Variants in INVS observed in about 807,000 individuals in gnomAD.
INVS encodes inversin.
Under a neutral mutation model 108.8 loss-of-function variants are expected in INVS, and 86 were observed. The ratio of observed to expected loss-of-function variants is 0.79; its 90% CI spans 0.66 to 0.95. The LOEUF (loss-of-function observed/expected upper bound fraction) is 0.95. Among genes scored for constraint, INVS ranks in the 40% least tolerant of loss-of-function variants. The pLI is 0.00. For synonymous variants in INVS, 455 were observed against 473.5 expected (o/e 0.96, Z 0.51); for missense variants, 1,169 against 1,297.4 (o/e 0.90, Z 1.52).
chr9:100,138,983 G>C (rs1330186725), intron 3 of INVS, among the ~76,000 whole-genome samples: 2 of 152,156 alleles, frequency 1.3e-5, no homozygotes, highest in East Asian at 3.8e-4. Flanking sequence ...TGGGATTACA[G>C]GCGTGAGCCA....
At chr9:100,152,962 A>G (rs1158669933) in intron 3 of INVS, among the ~76,000 whole-genome samples, 3 of 152,008 alleles carry the variant, frequency 2.0e-5, no homozygotes, top group Non-Finnish European at 4.4e-5. Context: ...AACTTCATGT[A>G]TGTAACTTTG....
At chr9:100,140,768 T>C (rs1229529416) in intron 3 of INVS, among the ~76,000 whole-genome samples, 1 of 151,808 alleles carries the variant, frequency 6.6e-6, no homozygotes, top group Non-Finnish European at 1.5e-5. Flanking sequence ...TGAAGGAAGA[T>C]TTTGTGGTAA....
intron 12 of INVS, among the ~76,000 whole-genome samples, chr9:100,273,628 C>T (rs1199501432): frequency 6.7e-6 from 1 of 148,766 alleles, no homozygotes; most frequent in African/African-American, 2.5e-5. Flanking sequence ...ACCTCCACCT[C>T]CCAGGTTCAA....
intron 13 of INVS, 48 bp downstream of exon 13, chr9:100,284,651 CTTTT>C: frequency 6.3e-7 from 1 of 1,588,948 alleles, no homozygotes; most frequent in Non-Finnish European, 8.6e-7. Context: ...GGACTGTGGG[CTTTT>C]TTGATTGGTG....
chr9:100,273,654 T>C (rs1833028824), intron 12 of INVS, among the ~76,000 whole-genome samples: 1 of 150,328 alleles, frequency 6.7e-6, no homozygotes, highest in Admixed American at 6.7e-5. Context: ...TCTCCTGCCT[T>C]GGCCTCCCGA....
At chr9:100,291,119 A>G (rs1256440969) in intron 13 of INVS, among the ~76,000 whole-genome samples, 1 of 151,850 alleles carries the variant, frequency 6.6e-6, no homozygotes, top group African/African-American at 2.4e-5. Flanking sequence ...GCTGGAGTGC[A>G]GTGGTGCAGT....
chr9:100,278,729 T>C (rs549365359), intron 12 of INVS, among the ~76,000 whole-genome samples: 5 of 152,368 alleles, frequency 3.3e-5, no homozygotes, highest in Admixed American at 2.6e-4. Flanking sequence ...TCAGTTCTTA[T>C]ACGTGACTCT....
intron 3 of INVS, among the ~76,000 whole-genome samples, chr9:100,219,193 A>T (rs984531710): frequency 6.6e-6 from 1 of 152,214 alleles, no homozygotes; most frequent in Non-Finnish European, 1.5e-5. Flanking sequence ...TCAGTAAGAA[A>T]AAAAAACAAA....
intron 3 of INVS, among the ~76,000 whole-genome samples, chr9:100,137,073 T>C (rs1012157383): frequency 6.6e-6 from 1 of 152,268 alleles, no homozygotes; most frequent in South Asian, 2.1e-4. Flanking sequence ...AAAGTTTAGA[T>C]ACACAGTAGG....
chr9:100,126,354 ATATCAC>A, intron 2 of INVS, 23 bp from the exon 3 acceptor site: 3 of 1,562,452 alleles, frequency 1.9e-6, no homozygotes, highest in Non-Finnish European at 2.6e-6. Context: ...CAATTATCAA[ATATCAC>A]TATCTGTTTC....
At chr9:100,123,915 C>T (rs770450304) in intron 2 of INVS, among the ~76,000 whole-genome samples, 5 of 152,188 alleles carry the variant, frequency 3.3e-5, no homozygotes, top group Non-Finnish European at 5.9e-5. Context: ...AAGTGATTCT[C>T]ATGCCTCAGC....
chr9:100,228,228 T>C (rs1254322444), intron 4 of INVS, among the ~76,000 whole-genome samples: 6 of 152,056 alleles, frequency 3.9e-5, no homozygotes, highest in Non-Finnish European at 7.4e-5. Context: ...TGACCTCAAG[T>C]GATCCACCCG....
At chr9:100,294,111 T>C (rs1833713497) in intron 14 of INVS, among the ~76,000 whole-genome samples, 2 of 152,054 alleles carry the variant, frequency 1.3e-5, no homozygotes, top group Admixed American at 1.3e-4. Context: ...AAGGCCACAG[T>C]GAGCCATCAC....
At position 100,296,929 on chromosome 9, in the gene INVS, G is replaced by C. The variant is rs1285300044; in HGVS notation, c.2799G>C (p.Arg933Ser). The C allele has an allele frequency of 6.2e-7, 1 of 1,614,020 alleles. No individual in the cohort carries two copies. Among genetic ancestry groups the C allele is most frequent in the Non-Finnish European group, 8.5e-7 (1 of 1,179,966 alleles). The change falls in exon 15 of 17, where the codon AGG becomes AGC. Residue 933 changes from arginine (R) to serine (S), a missense_variant. Arg to Ser is a moderately radical substitution (Grantham distance 110). This residue lies in a region of INVS where 533 missense variants were observed against 536.0 expected (regional missense o/e 0.99). Transcript: ENST00000262457. Reference protein sequence around the residue: ...IQRAWRSYQLRKHLSHLRHMK... With the variant: ...IQRAWRSYQLSKHLSHLRHMK... ...CTGACCCAACCAGCTACCAGCTCAG[G>C]AAGCACCTGTCCCACCTTCGGCATA... is the stretch of plus-strand genomic sequence containing the variant.
chr9:100,104,374 G>C (rs1442323362), intron 1 of INVS, 124 bp from the exon 2 acceptor site: 1 of 695,694 alleles, frequency 1.4e-6, no homozygotes, highest in Non-Finnish European at 2.6e-6. Context: ...CAGGACTATA[G>C]ATTTTTCTAA....
At chr9:100,296,082 A>G (rs1489573686) in intron 14 of INVS, among the ~76,000 whole-genome samples, 2 of 152,166 alleles carry the variant, frequency 1.3e-5, no homozygotes, top group Non-Finnish European at 2.9e-5. Flanking sequence ...GACTTAGGAA[A>G]AAGATTACTT....
intron 3 of INVS, among the ~76,000 whole-genome samples, chr9:100,133,671 G>A (rs1828121504): frequency 6.6e-6 from 1 of 151,678 alleles, no homozygotes; most frequent in Admixed American, 6.6e-5. Context: ...TGATGGTGAA[G>A]ATATGGAGCA....
At chr9:100,253,936 T>G (rs1832328213) in intron 10 of INVS, among the ~76,000 whole-genome samples, 1 of 152,214 alleles carries the variant, frequency 6.6e-6, no homozygotes, top group Non-Finnish European at 1.5e-5. Context: ...TGCCCAGTAA[T>G]GGGATGGCTG....
At chr9:100,199,253 G>T (rs1220477203) in intron 3 of INVS, among the ~76,000 whole-genome samples, 1 of 151,994 alleles carries the variant, frequency 6.6e-6, no homozygotes, top group African/African-American at 2.4e-5. Flanking sequence ...CAACCTATCT[G>T]TGTCTTTATA....
Sources: gnomAD v4.1 joint callset for allele counts (sites outside exome capture counted in the v4.1 genomes callset) on GRCh38, gnomAD v4.1.1 for gene constraint, gnomAD v4.1.1 regional missense constraint, MANE v1.5 for transcripts, NCBI Gene and HGNC (gene_info 2026-07-23, HGNC 2026-07-21) for gene names.